Variants in GABRA3 observed in about 807,000 individuals in gnomAD.
GABRA3 encodes the protein gamma-aminobutyric acid receptor subunit alpha-3.
Under a neutral mutation model 30.1 loss-of-function variants are expected in GABRA3, and 10 were observed. That is an observed-to-expected ratio of 0.33 (90% confidence interval 0.20 to 0.56). The LOEUF is 0.56. Ranked by LOEUF, GABRA3 falls within the 20% of genes least tolerant of loss-of-function variation. The probability of loss-of-function intolerance (pLI) is 0.89; values close to 1 mark genes in which losing one functional copy is unlikely to be tolerated. For missense variants in GABRA3, 233 were observed against 392.0 expected, an observed-to-expected ratio of 0.59 and a Z score of 3.42; for synonymous variants, 151 against 146.8, an observed-to-expected ratio of 1.03 and a Z score of -0.21.
chrX:152,240,948 C>T (rs1189579304), intron 5 of GABRA3, among the ~76,000 whole-genome samples: 7 of 97,932 alleles, frequency 7.1e-5, no homozygotes, highest in Non-Finnish European at 1.2e-4. Context: ...GAATGTCCTC[C>T]CGTAGCTCAG....
rs1455796040 is a variant in GABRA3 at position 152,451,314 on chromosome X, T to G, written c.-195A>C. ...GGTTTGCTCGCTAGCTTGCGCGCGC[T>G]CACGCTCTCTCGCTCTCTCTCTCTC... On this transcript the variant is annotated 5_prime_UTR_variant, in exon 1 of 10. Coordinates refer to ENST00000370314, the MANE Select transcript of GABRA3 (RefSeq NM_000808.4). The G allele has an allele frequency of 1.1e-5, 1 of 92,657 alleles. No homozygotes were observed. The highest frequency in any genetic ancestry group is 2.1e-5 in the Non-Finnish European group (1 of 46,535). 7.6% of individuals were successfully genotyped at this position (92,657 alleles called of 1,213,427 possible).
intron 3 of GABRA3, among the ~76,000 whole-genome samples, chrX:152,322,684 C>A (rs1225326852): frequency 9.3e-6 from 1 of 107,182 alleles, no homozygotes; most frequent in African/African-American, 3.4e-5. Context: ...CAGGTGCACA[C>A]TACCACACCC....
intron 3 of GABRA3, among the ~76,000 whole-genome samples, chrX:152,296,606 T>G (rs875478): frequency 0.21 from 23,480 of 111,002 alleles, 2,270 homozygotes; most frequent in African/African-American, 0.38. Context: ...TAGGCTTGGG[T>G]TCTAGCATTT....
chrX:152,259,959 G>C (rs1938700747), intron 4 of GABRA3, among the ~76,000 whole-genome samples: 1 of 110,763 alleles, frequency 9.0e-6, no homozygotes, highest in Non-Finnish European at 1.9e-5. Context: ...TTGAGGACTT[G>C]GTTCCTGGAC....
intron 3 of GABRA3, among the ~76,000 whole-genome samples, chrX:152,332,562 G>C (rs1940179186): frequency 8.9e-6 from 1 of 112,117 alleles, no homozygotes; most frequent in Non-Finnish European, 1.9e-5. Context: ...TTAATCCTCA[G>C]AACAACTTGG....
intron 3 of GABRA3, among the ~76,000 whole-genome samples, chrX:152,315,785 A>T (rs1382779322): frequency 9.1e-6 from 1 of 110,128 alleles, no homozygotes; most frequent in Admixed American, 9.7e-5. Context: ...ATCCTCCTGG[A>T]AACATGACTC....
chrX:152,421,098 T>TAC (rs60206606), intron 1 of GABRA3, among the ~76,000 whole-genome samples: 1,313 of 94,975 alleles, frequency 0.014, 10 homozygotes, highest in Middle Eastern at 0.022. Context: ...TTACACATTA[T>TAC]ACACACACAC....
At position 152,364,551 on chromosome X, in the gene GABRA3, C is replaced by T. The variant is rs145935081; in HGVS notation, c.20G>A (p.Ser7Asn). The T allele has an allele frequency of 1.7e-6, 2 of 1,206,868 alleles. No individual in the cohort carries two copies. The highest frequency in any genetic ancestry group is 2.2e-6 in the Non-Finnish European group (2 of 893,017). ...CCCAAGGCTGGTCATGTAACAGTGA[C>T]TTGTTTGTGTGATTATCATCTTCTT... is the stretch of plus-strand genomic sequence containing the variant. MIITQTSHCYMTSLGIL... is the reference protein window; with the variant it reads MIITQTNHCYMTSLGIL... The change falls in exon 2 of 10, where the codon AGT becomes AAT. Residue 7 changes from serine to asparagine, a missense_variant. By Grantham distance (46) the Ser-to-Asn change is conservative. Transcript: ENST00000370314.
intron 1 of GABRA3, among the ~76,000 whole-genome samples, chrX:152,437,975 T>A (rs1214101645): frequency 8.9e-6 from 1 of 112,072 alleles, no homozygotes; most frequent in East Asian, 2.8e-4. Flanking sequence ...TTGACCTTCA[T>A]TAAAATTTAA....
intron 4 of GABRA3, among the ~76,000 whole-genome samples, chrX:152,276,701 G>C (rs984519335): frequency 9.0e-6 from 1 of 111,555 alleles, no homozygotes; most frequent in African/African-American, 3.3e-5. Flanking sequence ...AAATGAATTA[G>C]AGTAAAATAC....
intron 6 of GABRA3, 100 bp from the exon 7 acceptor site, chrX:152,208,244 C>T (rs1937595382): frequency 1.1e-6 from 1 of 888,386 alleles, no homozygotes; most frequent in African/African-American, 2.0e-5. Flanking sequence ...CTTCCATCTT[C>T]AAAGAGTTCT....
At chrX:152,356,838 A>G (rs1940557237) in intron 2 of GABRA3, among the ~76,000 whole-genome samples, 1 of 111,922 alleles carries the variant, frequency 8.9e-6, no homozygotes, top group African/African-American at 3.2e-5. Flanking sequence ...GTGAGAACAC[A>G]TAGTATTTGG....
intron 1 of GABRA3, among the ~76,000 whole-genome samples, chrX:152,418,235 A>AT (rs1400226254): frequency 1.8e-5 from 2 of 111,110 alleles, no homozygotes; most frequent in Non-Finnish European, 3.8e-5. Context: ...CAAGAATTGC[A>AT]TTTTTTGAAA....
intron 9 of GABRA3, among the ~76,000 whole-genome samples, chrX:152,174,362 C>T (rs1462178968): frequency 1.8e-5 from 2 of 111,960 alleles, no homozygotes; most frequent in African/African-American, 6.5e-5. Context: ...TGAGGAATCG[C>T]CACACTGACT....
At chrX:152,398,321 G>A (rs745337319) in intron 1 of GABRA3, among the ~76,000 whole-genome samples, 34 of 107,388 alleles carry the variant, frequency 3.2e-4, no homozygotes, top group Admixed American at 3.1e-3. Context: ...AGGCCCACAA[G>A]GGATACTTCA....
Position 152,275,205 on chromosome X carries a change from T to TTTA in GABRA3, c.330+9462_330+9463insTAA, listed in dbSNP as rs1569378167. Among the ~76,000 whole-genome samples the TTTA allele has an allele frequency of 4.7e-3, 307 of 65,580 alleles. 17 individuals are homozygous for TTTA. The highest frequency in any genetic ancestry group is 0.019 in the African/African-American group (261 of 14,000). 56.9% of individuals were successfully genotyped at this position (65,580 alleles called of 115,157 possible). On this transcript the variant is annotated intron_variant, in intron 4 of 9. Coordinates refer to ENST00000370314, the MANE Select transcript of GABRA3 (RefSeq NM_000808.4). ...TTTAATATTATATATATAATTTATA[T>TTTA]ATATAATATTATATATATATAATTT...
At chrX:152,396,909 T>C (rs1460710236) in intron 1 of GABRA3, among the ~76,000 whole-genome samples, 1 of 112,164 alleles carries the variant, frequency 8.9e-6, no homozygotes, top group African/African-American at 3.2e-5. Context: ...TTCATGTGCA[T>C]AAACTCTTCT....
intron 5 of GABRA3, among the ~76,000 whole-genome samples, chrX:152,244,823 A>G (rs899645563): frequency 3.6e-5 from 4 of 111,782 alleles, no homozygotes; most frequent in Non-Finnish European, 5.6e-5. Context: ...TGCAAGCTAT[A>G]TCTCAATTAA....
chrX:152,270,706 T>G (rs945875911), intron 4 of GABRA3, among the ~76,000 whole-genome samples: 1 of 109,749 alleles, frequency 9.1e-6, no homozygotes, highest in Admixed American at 9.8e-5. Context: ...AATACAAAAA[T>G]TAGCCAGGCA....
Sources: allele counts gnomAD v4.1 joint callset (sites outside exome capture counted in the v4.1 genomes callset), GRCh38; gene constraint gnomAD v4.1.1; transcripts MANE v1.5; gene names NCBI Gene and HGNC (gene_info 2026-07-23, HGNC 2026-07-21).